PLEKHA7: variants seen among roughly 807,000 people sequenced by gnomAD.
The protein encoded by PLEKHA7 is pleckstrin homology domain containing A7.
Under a neutral mutation model 170.0 loss-of-function variants are expected in PLEKHA7, and 104 were observed. That is an observed-to-expected ratio of 0.61 (90% CI 0.52 to 0.72). The LOEUF is 0.72. Among genes scored for constraint, PLEKHA7 ranks in the 30% least tolerant of loss-of-function variants. PLEKHA7 has a pLI of 0.00. For missense variants in PLEKHA7, 1,615 were observed against 1,671.7 expected (o/e 0.97, Z 0.59); for synonymous variants, 648 against 660.8 (o/e 0.98, Z 0.30).
intron 6 of PLEKHA7, among the ~76,000 whole-genome samples, chr11:16,852,784 AAGTTTTC>A (rs1156499794): frequency 6.6e-6 from 1 of 152,180 alleles, no homozygotes; most frequent in African/African-American, 2.4e-5. Context: ...AAGTGAGGCA[AAGTTTTC>A]ATTAGACTAT....
At position 16,822,146 on chromosome 11, in the gene PLEKHA7, T is replaced by C. The variant is rs550335896; in HGVS notation, c.1343+3974A>G. ...TTGTGTGTAGCAGAATAACATGGTT[T>C]ACAGGCTGCTGGAGCAGTTATGCGG... On this transcript the variant is annotated intron_variant, in intron 10 of 26. Coordinates refer to ENST00000531066, the MANE Select transcript of PLEKHA7 (RefSeq NM_001329630.2). Among the ~76,000 whole-genome samples, 3 of 152,286 alleles carry C rather than the reference T, an allele frequency of 2.0e-5. No individual in the cohort carries two copies. The East Asian group carries it at 5.8e-4, about 29-fold the overall frequency.
chr11:16,856,623 C>T (rs755218817), intron 4 of PLEKHA7, among the ~76,000 whole-genome samples: 1 of 152,206 alleles, frequency 6.6e-6, no homozygotes, highest in Non-Finnish European at 1.5e-5. Context: ...CAAGGAGCTG[C>T]CCTGGGAGGG....
At chr11:16,827,686 G>A (rs1850765520) in intron 9 of PLEKHA7, among the ~76,000 whole-genome samples, 1 of 152,140 alleles carries the variant, frequency 6.6e-6, no homozygotes, top group East Asian at 1.9e-4. Flanking sequence ...CTGGCACCAG[G>A]GATACAATAG....
chr11:16,855,885 C>A lies in PLEKHA7; in HGVS notation c.335G>T (p.Arg112Ile), dbSNP rs1226285646. Residue 112 changes from arginine (R) to isoleucine (I), a missense_variant, in exon 5 of 27, where the codon AGA (arginine) becomes ATA (isoleucine). Physicochemically the swap from Arg to Ile is moderately conservative, Grantham distance 97. Transcript: ENST00000531066. ...GACCATGCTGGACGGTCTTTGGTTT[C>A]TGTCTTGCTTCGACATATGTGGATT... ...EPNPHMSKQD[R>I]NQRPSSMVSE... 1 of 1,614,188 alleles carries A rather than the reference C, an allele frequency of 6.2e-7. No homozygotes were observed. Among genetic ancestry groups the A allele is most frequent in the South Asian group, 1.1e-5 (1 of 91,082 alleles).
At chr11:16,844,491 A>G (rs1307364509) in intron 8 of PLEKHA7, among the ~76,000 whole-genome samples, 2 of 152,208 alleles carry the variant, frequency 1.3e-5, no homozygotes, top group Non-Finnish European at 2.9e-5. Flanking sequence ...AGTCCAAAGT[A>G]TCCTGAGCCT....
intron 3 of PLEKHA7, among the ~76,000 whole-genome samples, chr11:16,992,083 C>T (rs998537088): frequency 3.9e-5 from 6 of 152,080 alleles, no homozygotes; most frequent in African/African-American, 1.4e-4. Flanking sequence ...GGACCCCCCC[C>T]AGCCTGGGCA....
chr11:16,967,463 G>A (rs537408850), intron 3 of PLEKHA7, among the ~76,000 whole-genome samples: 1 of 152,296 alleles, frequency 6.6e-6, no homozygotes, highest in African/African-American at 2.4e-5. Context: ...AGGCGATGCT[G>A]GTCATGCTGT....
intron 4 of PLEKHA7, among the ~76,000 whole-genome samples, chr11:16,865,406 A>G (rs144378886): frequency 1.3e-5 from 2 of 152,236 alleles, no homozygotes; most frequent in Admixed American, 1.3e-4. Flanking sequence ...ACTGGGTAGC[A>G]TAACAGAAAA....
chr11:16,963,838 T>C (rs948245537), intron 3 of PLEKHA7, among the ~76,000 whole-genome samples: 3 of 152,180 alleles, frequency 2.0e-5, no homozygotes, highest in African/African-American at 7.2e-5. Context: ...CCCAGCCACC[T>C]CTCATTGCTT....
chr11:16,797,782 G>T (rs1848335699), intron 17 of PLEKHA7, among the ~76,000 whole-genome samples: 2 of 152,180 alleles, frequency 1.3e-5, no homozygotes, highest in South Asian at 4.1e-4. Flanking sequence ...TAAAGAAAGG[G>T]ATTAAACGCA....
At chr11:16,918,570 A>C (rs1858858682) in intron 3 of PLEKHA7, among the ~76,000 whole-genome samples, 1 of 152,216 alleles carries the variant, frequency 6.6e-6, no homozygotes, top group East Asian at 1.9e-4. Context: ...AGCTGGTAAA[A>C]TGCCCAGCAA....
Position 16,791,760 on chromosome 11 carries a change from C to A in PLEKHA7, c.2746-561G>T, listed in dbSNP as rs1847873402. On this transcript the variant is annotated intron_variant, in intron 19 of 26. Coordinates refer to ENST00000531066, the MANE Select transcript of PLEKHA7 (RefSeq NM_001329630.2). The surrounding 1 kb of genome is among the most constrained non-coding windows in gnomAD (Gnocchi z 4.5). ...TTACAAAATATTTCCTCCTTCCTGA[C>A]TCAGACAGAACAGGCGGTCAGGATG... The A allele has an allele frequency of 2.3e-6, 1 of 440,572 alleles. No individual in the cohort carries two copies. Among genetic ancestry groups the A allele is most frequent in the South Asian group, 1.6e-5 (1 of 61,284 alleles). The allele number at this position is 440,572 out of a possible 1,614,324, so 27.3% of individuals were successfully genotyped here. A position where few individuals can be genotyped will look rare whatever the true frequency, so the allele number is the denominator to read the frequency against.
chr11:16,856,960 G>A (rs1472553085), intron 4 of PLEKHA7, among the ~76,000 whole-genome samples: 12 of 152,180 alleles, frequency 7.9e-5, no homozygotes, highest in Non-Finnish European at 4.4e-5. Flanking sequence ...CTGCTTTGGA[G>A]GCCTGGGCAA....
At chr11:16,890,118 C>G (rs1263643864) in intron 3 of PLEKHA7, among the ~76,000 whole-genome samples, 3 of 152,122 alleles carry the variant, frequency 2.0e-5, no homozygotes, top group African/African-American at 7.2e-5. Flanking sequence ...AATTTTTCAC[C>G]ACTAGACTGC....
chr11:16,834,041 TGCTCTATCACCCAG>T lies in PLEKHA7; in HGVS notation c.873-7465_873-7452del, dbSNP rs555551028. On this transcript the variant is annotated intron_variant, in intron 9 of 26. Coordinates refer to ENST00000531066, the MANE Select transcript of PLEKHA7 (RefSeq NM_001329630.2). The stretch of plus-strand genomic sequence containing the variant: ...TGTTTTGTTTTTCGAGATGGAGTCT[TGCTCTATCACCCAG>T]GCTGGAGTGCAGTGGCGCGGTTTCG... Among the ~76,000 whole-genome samples, 15 of 152,224 alleles carry T rather than the reference TGCTCTATCACCCAG, an allele frequency of 9.9e-5. No individual in the cohort carries two copies. In the South Asian group the frequency reaches 3.1e-3, roughly 32 times the overall value.
chr11:16,801,424 C>T (rs1230327925), intron 16 of PLEKHA7, among the ~76,000 whole-genome samples: 1 of 152,222 alleles, frequency 6.6e-6, no homozygotes, highest in Non-Finnish European at 1.5e-5. Flanking sequence ...AAGAATCTGG[C>T]CCACTGGGTG....
At chr11:16,874,997 A>C (rs911711752) in intron 3 of PLEKHA7, among the ~76,000 whole-genome samples, 1 of 152,226 alleles carries the variant, frequency 6.6e-6, no homozygotes, top group Non-Finnish European at 1.5e-5. Flanking sequence ...TGAGCTGCAG[A>C]GTTTAGGCAC....
intron 13 of PLEKHA7, among the ~76,000 whole-genome samples, chr11:16,805,236 A>G (rs1414019101): frequency 6.6e-6 from 1 of 152,182 alleles, no homozygotes; most frequent in Non-Finnish European, 1.5e-5. Flanking sequence ...TACTTAAATA[A>G]CAAGCCAGAA....
At chr11:16,958,190 A>G (rs942305741) in intron 3 of PLEKHA7, among the ~76,000 whole-genome samples, 1 of 151,968 alleles carries the variant, frequency 6.6e-6, no homozygotes, top group African/African-American at 2.4e-5. Flanking sequence ...GGTGGCACAC[A>G]CCTGTAGTCC....
Sources: allele counts gnomAD v4.1 joint callset (sites outside exome capture counted in the v4.1 genomes callset), GRCh38; gene constraint gnomAD v4.1.1; non-coding constraint Gnocchi (gnomAD v3.1); transcripts MANE v1.5; gene names NCBI Gene and HGNC (gene_info 2026-07-23, HGNC 2026-07-21).